GPM6A: variants seen among roughly 807,000 people sequenced by gnomAD.
The protein encoded by GPM6A is neuronal membrane glycoprotein M6-a.
A neutral mutation model predicts 32.1 loss-of-function variants in GPM6A; 7 were observed. That is an observed-to-expected ratio of 0.22 (90% CI 0.12 to 0.41). The LOEUF is 0.41. GPM6A is among the 10% of genes least tolerant of loss of function. The pLI, the probability that GPM6A is intolerant of heterozygous loss-of-function variation, is 1.00. For synonymous variants in GPM6A, 130 were observed against 123.4 expected (o/e 1.05, Z -0.35); for missense variants, 235 against 347.2 (o/e 0.68, Z 2.57).
At chr4:175,890,060 A>C (rs1579601357) in intron 1 of GPM6A, among the ~76,000 whole-genome samples, 3 of 152,216 alleles carry the variant, frequency 2.0e-5, no homozygotes, top group Admixed American at 2.0e-4. Context: ...ATATAACAAA[A>C]TAGGCAGGCT....
At chr4:175,679,410 A>G (rs1422953022) in intron 2 of GPM6A, among the ~76,000 whole-genome samples, 2 of 152,024 alleles carry the variant, frequency 1.3e-5, no homozygotes, top group Non-Finnish European at 2.9e-5. Context: ...TTTAATTTTC[A>G]TCATCTAGTT....
At chr4:175,680,432 G>T (rs1277040283) in intron 2 of GPM6A, among the ~76,000 whole-genome samples, 1 of 152,122 alleles carries the variant, frequency 6.6e-6, no homozygotes, top group East Asian at 1.9e-4. Flanking sequence ...TCTAGAAAGA[G>T]TTCTTGTGGT....
chr4:175,826,060 TGGGGGACTGAGGCA>T (rs11273809), intron 1 of GPM6A, among the ~76,000 whole-genome samples: 8,929 of 151,880 alleles, frequency 0.059, 848 homozygotes, highest in African/African-American at 0.21. Flanking sequence ...CCCAGTTACT[TGGGGGACTGAGGCA>T]GGAGGATGAG....
chr4:175,705,143 G>A (rs1456386040), intron 1 of GPM6A, among the ~76,000 whole-genome samples: 1 of 152,180 alleles, frequency 6.6e-6, no homozygotes, highest in African/African-American at 2.4e-5. Context: ...CTGAGTAGTG[G>A]CTTTCAAATT....
intron 1 of GPM6A, among the ~76,000 whole-genome samples, chr4:175,865,262 C>G (rs1736696775): frequency 1.3e-5 from 2 of 152,186 alleles, no homozygotes; most frequent in Admixed American, 6.5e-5. Context: ...AGATGTGGTT[C>G]CATCCCTGGG....
chr4:175,642,561 A>C (rs1445178970), intron 4 of GPM6A, among the ~76,000 whole-genome samples: 1 of 152,214 alleles, frequency 6.6e-6, no homozygotes, highest in African/African-American at 2.4e-5. Context: ...AGTATTAAAC[A>C]CAGTTGATGC....
intron 1 of GPM6A, among the ~76,000 whole-genome samples, chr4:175,986,371 TA>T (rs545811299): frequency 2.8e-4 from 43 of 151,254 alleles, no homozygotes; most frequent in Admixed American, 5.3e-4. Flanking sequence ...CCTATCACTA[TA>T]AAAAAAAATT....
rs550303056 is a variant in GPM6A, at chr4:175,985,821, T to C, written c.-23+16488A>G. Among the ~76,000 whole-genome samples the C allele has an allele frequency of 1.4e-4, 22 of 152,320 alleles. No homozygotes were observed. The East Asian group carries it at 4.0e-3, about 28-fold the overall frequency. On this transcript the variant is annotated intron_variant, in intron 1 of 7. Transcript: ENST00000280187. ...CTTTCATTTATTTATAATTTTTTTT[T>C]CTGAGATGGAGTCTTGCTCTGTCAC... is the stretch of plus-strand genomic sequence containing the variant.
chr4:175,654,715 C>T (rs1741985819), intron 3 of GPM6A, among the ~76,000 whole-genome samples: 1 of 152,028 alleles, frequency 6.6e-6, no homozygotes, highest in South Asian at 2.1e-4. Flanking sequence ...AAGAAATCTT[C>T]TTAAAAGAAC....
chr4:175,932,671 T>A (rs1043073795), intron 1 of GPM6A, among the ~76,000 whole-genome samples: 2 of 152,086 alleles, frequency 1.3e-5, no homozygotes, highest in Non-Finnish European at 2.9e-5. Flanking sequence ...AGAAAATACA[T>A]GGTAACAATT....
chr4:175,930,082 A>C (rs1738977250), intron 1 of GPM6A, among the ~76,000 whole-genome samples: 1 of 152,162 alleles, frequency 6.6e-6, no homozygotes. Flanking sequence ...TTCTCAACAC[A>C]GTCAACAGTT....
intron 1 of GPM6A, among the ~76,000 whole-genome samples, chr4:175,956,372 G>A (rs530037473): frequency 6.6e-5 from 10 of 152,150 alleles, no homozygotes; most frequent in South Asian, 6.2e-4. Flanking sequence ...TCACCAAAGC[G>A]TCACCTAATT....
chr4:175,984,703 T>A (rs1740922004), intron 1 of GPM6A, among the ~76,000 whole-genome samples: 1 of 152,226 alleles, frequency 6.6e-6, no homozygotes, highest in Admixed American at 6.5e-5. Flanking sequence ...GATACTTTCC[T>A]ATATTTTTAT....
chr4:175,636,683 C>T (rs957290291), intron 6 of GPM6A, among the ~76,000 whole-genome samples: 2 of 150,730 alleles, frequency 1.3e-5, no homozygotes, highest in Non-Finnish European at 3.0e-5. Context: ...GTAATCCCAG[C>T]TACTCGGGAG....
intron 1 of GPM6A, among the ~76,000 whole-genome samples, chr4:175,954,492 G>A (rs1739919844): frequency 6.6e-6 from 1 of 152,202 alleles, no homozygotes; most frequent in Non-Finnish European, 1.5e-5. Flanking sequence ...ATTAAAATGT[G>A]TAGAGTACTG....
At chr4:175,979,221 A>T (rs1479717494) in intron 1 of GPM6A, among the ~76,000 whole-genome samples, 1 of 152,152 alleles carries the variant, frequency 6.6e-6, no homozygotes, top group African/African-American at 2.4e-5. Context: ...CAATTCCATA[A>T]ACTAACGACT....
At chr4:175,940,618 T>C (rs1429696345) in intron 1 of GPM6A, among the ~76,000 whole-genome samples, 1 of 151,908 alleles carries the variant, frequency 6.6e-6, no homozygotes, top group Non-Finnish European at 1.5e-5. Context: ...TTCTCCCACG[T>C]CCCCCCGAGA....
At chr4:175,944,543 G>A (rs1163092013) in intron 1 of GPM6A, among the ~76,000 whole-genome samples, 2 of 152,050 alleles carry the variant, frequency 1.3e-5, no homozygotes, top group Admixed American at 6.6e-5. Context: ...ATACACACAC[G>A]TACAAGACAG....
intron 1 of GPM6A, chr4:175,906,525 G>A (rs1338810803): frequency 6.6e-6 from 1 of 151,902 alleles, no homozygotes; most frequent in Non-Finnish European, 1.5e-5. Context: ...ATTTTTTATA[G>A]ACCGTAACCA....
Sources: allele counts gnomAD v4.1 joint callset (sites outside exome capture counted in the v4.1 genomes callset), GRCh38; gene constraint gnomAD v4.1.1; transcripts MANE v1.5; gene names NCBI Gene and HGNC (gene_info 2026-07-23, HGNC 2026-07-21).